Variants in GIGYF2 observed in about 807,000 individuals in gnomAD.
GIGYF2 encodes GRB10-interacting GYF protein 2.
In GIGYF2, 25 loss-of-function variants were observed where a neutral mutation model predicts 208.1. The observed-to-expected ratio is 0.12, with a 90% CI of 0.09 to 0.17. The LOEUF is 0.17. GIGYF2 is among the 10% of genes least tolerant of loss of function. The probability of loss-of-function intolerance (pLI) is 1.00; values close to 1 mark genes in which losing one functional copy is unlikely to be tolerated. For missense variants in GIGYF2, 1,302 were observed against 1,579.4 expected, an observed-to-expected ratio of 0.82 and a Z score of 2.98; for synonymous variants, 534 against 543.8, an observed-to-expected ratio of 0.98 and a Z score of 0.25.
chr2:232,847,227 C>T, intron 26 of GIGYF2, 121 bp from the exon 27 acceptor site: 1 of 968,496 alleles, frequency 1.0e-6, no homozygotes, highest in East Asian at 2.4e-5. Flanking sequence ...GCATACTTAC[C>T]AAGTGTCTGT....
chr2:232,711,702 G>GATTT (rs1490288263), intron 2 of GIGYF2, among the ~76,000 whole-genome samples: 1 of 50,498 alleles, frequency 2.0e-5, no homozygotes, highest in South Asian at 1.5e-3. Context: ...TCCTCACAAT[G>GATTT]ATGTATATAT....
chr2:232,718,411 T>TA (rs1351941738), intron 2 of GIGYF2, among the ~76,000 whole-genome samples: 1 of 152,202 alleles, frequency 6.6e-6, no homozygotes, highest in African/African-American at 2.4e-5. Context: ...TTCCTTTTTT[T>TA]AAACTGCTGA....
intron 8 of GIGYF2, chr2:232,771,348 A>C (rs1019872986): frequency 6.2e-6 from 10 of 1,612,076 alleles, no homozygotes; most frequent in Non-Finnish European, 8.5e-6. Context: ...TAACTTTGCA[A>C]TTACTGCTGT....
intron 15 of GIGYF2, among the ~76,000 whole-genome samples, chr2:232,809,064 C>T (rs1051100298): frequency 6.6e-6 from 1 of 152,160 alleles, no homozygotes; most frequent in Admixed American, 6.5e-5. Flanking sequence ...CCTGTCTCAG[C>T]CTCCTGAATA....
intron 21 of GIGYF2, among the ~76,000 whole-genome samples, chr2:232,821,137 CTTTG>C (rs1701068582): frequency 6.6e-6 from 1 of 152,072 alleles, no homozygotes; most frequent in Non-Finnish European, 1.5e-5. Context: ...TGACAGTGTT[CTTTG>C]AAACACGTAA....
rs747294872 is a variant in GIGYF2, at chr2:232,816,926, G to A, written c.2264G>A (p.Arg755Gln). The A allele has an allele frequency of 4.3e-6, 7 of 1,612,278 alleles. No homozygotes were observed. The highest frequency in any genetic ancestry group is 3.3e-5 in the Admixed American group (2 of 59,996). The change falls in exon 20 of 29, where the codon CGA becomes CAA. Residue 755 changes from arginine to glutamine, a missense_variant. This residue lies in a region of GIGYF2 where 701 missense variants were observed against 793.0 expected (regional missense o/e 0.88). Coordinates refer to ENST00000373563, the MANE Select transcript of GIGYF2 (RefSeq NM_001103146.3). ...EMRAKREEEE[R>Q]KRQEELRRQQ... ...AGGGCAAAACGGGAAGAGGAAGAGC[G>A]AAAGAGGCAGGAAGAACTCCGAAGA...
chr2:232,740,712 A>G (rs938417288), intron 3 of GIGYF2, among the ~76,000 whole-genome samples: 17 of 152,208 alleles, frequency 1.1e-4, no homozygotes, highest in African/African-American at 4.1e-4. Flanking sequence ...GAATGAAGCC[A>G]TTAGGGTCTT....
At chr2:232,767,165 A>G (rs750978844) in intron 8 of GIGYF2, 1 of 152,210 alleles carries the variant, frequency 6.6e-6, no homozygotes, top group Non-Finnish European at 1.5e-5. Flanking sequence ...TTTTGTGTTT[A>G]TAGAAAAAAC....
intron 21 of GIGYF2, among the ~76,000 whole-genome samples, chr2:232,827,208 G>GTTTTTTTTTTTTTTTTTTTTTTTTTTTTT (rs1166323037): frequency 1.3e-5 from 2 of 151,936 alleles, no homozygotes; most frequent in Non-Finnish European, 2.9e-5. Flanking sequence ...TATAGACATT[G>GTTTTTTTTTTTTTTTTTTTTTTTTTTTTT]TTTTTTAAGA....
chr2:232,721,740 TC>T (rs1696952656), intron 2 of GIGYF2, among the ~76,000 whole-genome samples: 1 of 152,148 alleles, frequency 6.6e-6, no homozygotes. Context: ...TCTCTTCCCT[TC>T]CTTATTATCA....
intron 28 of GIGYF2, among the ~76,000 whole-genome samples, chr2:232,851,963 A>G (rs940405057): frequency 1.3e-5 from 2 of 152,172 alleles, no homozygotes; most frequent in Non-Finnish European, 2.9e-5. Context: ...ACTGGACAAG[A>G]AGAGTGGAAA....
chr2:232,698,938 T>TA (rs1416915546), intron 1 of GIGYF2, among the ~76,000 whole-genome samples: 1 of 152,192 alleles, frequency 6.6e-6, no homozygotes, highest in African/African-American at 2.4e-5. Flanking sequence ...ATTTGACAGA[T>TA]ACCCTGTTGA....
At chr2:232,741,574 C>T (rs923311907) in intron 3 of GIGYF2, among the ~76,000 whole-genome samples, 2 of 151,936 alleles carry the variant, frequency 1.3e-5, no homozygotes, top group African/African-American at 4.8e-5. Context: ...TCCCAAGTAG[C>T]TGGGACTATA....
intron 5 of GIGYF2, among the ~76,000 whole-genome samples, chr2:232,756,016 G>A (rs908057266): frequency 1.3e-5 from 2 of 152,144 alleles, no homozygotes; most frequent in Non-Finnish European, 2.9e-5. Context: ...GATCTGAAAT[G>A]TTAATTTGCA....
intron 4 of GIGYF2, 127 bp from the exon 5 acceptor site, chr2:232,748,860 A>G (rs1487481765): frequency 1.4e-6 from 1 of 693,902 alleles, no homozygotes; most frequent in African/African-American, 1.8e-5. Context: ...TGGCTGAATA[A>G]GCATTAATCT....
rs944704650 is a variant in GIGYF2, at chr2:232,729,516, A to G, written c.-43-5639A>G. The stretch of plus-strand genomic sequence containing the variant: ...TTTTATTTAAATGCCATGACCCAGG[A>G]TGGATTTTAGATTTTGTTGAAAGCA... On this transcript the variant is annotated intron_variant, in intron 2 of 28. Transcript: ENST00000373563. The G allele has an allele frequency of 1.2e-5, 15 of 1,277,996 alleles. No individual in the cohort carries two copies. The East Asian group carries it at 2.5e-4, about 21-fold the overall frequency. 79.2% of individuals were successfully genotyped at this position (1,277,996 alleles called of 1,614,324 possible).
intron 2 of GIGYF2, among the ~76,000 whole-genome samples, chr2:232,718,126 TGCC>T: frequency 1.3e-5 from 2 of 152,290 alleles, no homozygotes; most frequent in East Asian, 3.9e-4. Context: ...CTCACTCTGT[TGCC>T]AAGCTGCAGT....
rs765478879 is a variant in GIGYF2, at chr2:232,787,348, A to C, written c.712+19A>C. The stretch of plus-strand genomic sequence containing the variant: ...AGTCCTGGTAAGAATTCTGTTGAGT[A>C]AAGGCACACAGGGACTGAAATAAGG... On this transcript the variant is annotated intron_variant, in intron 9 of 28. Transcript: ENST00000373563. The C allele has an allele frequency of 5.0e-6, 8 of 1,602,942 alleles. No homozygotes were observed. The Admixed American group carries it at 8.3e-5, about 17-fold the overall frequency.
chr2:232,719,597 G>C (rs896507097), intron 2 of GIGYF2, among the ~76,000 whole-genome samples: 1 of 151,922 alleles, frequency 6.6e-6, no homozygotes, highest in African/African-American at 2.4e-5. Flanking sequence ...GTCCCAAAGA[G>C]GAGATGAATA....
Sources: allele counts gnomAD v4.1 joint callset (sites outside exome capture counted in the v4.1 genomes callset), GRCh38; gene constraint gnomAD v4.1.1; regional missense constraint gnomAD v4.1.1; transcripts MANE v1.5; gene names NCBI Gene and HGNC (gene_info 2026-07-23, HGNC 2026-07-21).